ZSWIM5: variants seen among roughly 807,000 people sequenced by gnomAD.
ZSWIM5 encodes zinc finger SWIM-type containing 5, also known as zinc finger SWIM domain-containing protein 5.
A neutral mutation model predicts 119.6 loss-of-function variants in ZSWIM5; 55 were observed. That is an observed-to-expected ratio of 0.46 (90% CI 0.37 to 0.58). The LOEUF (loss-of-function observed/expected upper bound fraction) is 0.58. Among genes scored for constraint, ZSWIM5 ranks in the 20% least tolerant of loss-of-function variants. The probability of loss-of-function intolerance (pLI) is 0.00; values close to 1 mark genes in which losing one functional copy is unlikely to be tolerated. For missense variants in ZSWIM5, 1,193 were observed against 1,512.8 expected (o/e 0.79, Z 3.51); for synonymous variants, 537 against 606.9 (o/e 0.88, Z 1.69).
intron 1 of ZSWIM5, among the ~76,000 whole-genome samples, chr1:45,115,979 G>C (rs569242462): frequency 6.6e-6 from 1 of 152,162 alleles, no homozygotes; most frequent in Non-Finnish European, 1.5e-5. Context: ...GTGGTGGCGC[G>C]CGCCCGCAAT....
rs1404751110 is a variant in ZSWIM5 at position 45,205,869 on chromosome 1, G to T, written c.482C>A (p.Ser161Tyr). 3.0e-6 allele frequency: 4 copies of T among 1,343,550 alleles called. No individual in the cohort carries two copies. Among genetic ancestry groups the T allele is most frequent in the Middle Eastern group, 2.4e-4 (1 of 4,116 alleles). The allele number at this position is 1,343,550 out of a possible 1,614,324, so 83.2% of individuals were successfully genotyped here. Reference sequence around the variant, plus strand: ...GCCGGCCCCTGCGCCCAGCCCGGGGGATGCCCCAGCCGCGACGCCCCCGGG... The same window carrying T: ...GCCGGCCCCTGCGCCCAGCCCGGGGTATGCCCCAGCCGCGACGCCCCCGGG... ...SAPGGVAAGA[S>Y]PGLGAGAGAA... Residue 161 changes from serine to tyrosine, a missense_variant, in exon 1 of 14, where the codon TCC becomes TAC. By Grantham distance (144) the Ser-to-Tyr change is moderately radical. Coordinates refer to ENST00000359600, the MANE Select transcript of ZSWIM5 (RefSeq NM_020883.2).
intron 1 of ZSWIM5, among the ~76,000 whole-genome samples, chr1:45,187,553 T>C (rs1426574448): frequency 6.6e-6 from 1 of 151,344 alleles, no homozygotes; most frequent in East Asian, 1.9e-4. Flanking sequence ...AGCTATACTA[T>C]CAAAAGAAAG....
chr1:45,052,747 T>C (rs1570031033), intron 4 of ZSWIM5, among the ~76,000 whole-genome samples: 1 of 110,872 alleles, frequency 9.0e-6, no homozygotes, highest in African/African-American at 3.5e-5. Context: ...CACTCCAGCA[T>C]GGGTGATGGG....
intron 1 of ZSWIM5, among the ~76,000 whole-genome samples, chr1:45,101,448 G>A (rs1645439097): frequency 6.6e-6 from 1 of 152,188 alleles, no homozygotes. Context: ...TGGTGGGAGT[G>A]TAAACTAGTT....
At chr1:45,182,619 C>A (rs1459591397) in intron 1 of ZSWIM5, among the ~76,000 whole-genome samples, 1 of 152,058 alleles carries the variant, frequency 6.6e-6, no homozygotes, top group East Asian at 1.9e-4. Flanking sequence ...ATAAAACAGA[C>A]TTTAAACCAA....
chr1:45,168,941 T>C (rs1182665971), intron 1 of ZSWIM5, among the ~76,000 whole-genome samples: 1 of 152,122 alleles, frequency 6.6e-6, no homozygotes, highest in East Asian at 1.9e-4. Flanking sequence ...ATTCATTTTA[T>C]CTTACCTGCC....
intron 5 of ZSWIM5, among the ~76,000 whole-genome samples, chr1:45,047,941 G>C (rs945867607): frequency 6.6e-6 from 1 of 152,144 alleles, no homozygotes; most frequent in Non-Finnish European, 1.5e-5. Flanking sequence ...AGATGGCACA[G>C]ACTAGGGAAA....
intron 1 of ZSWIM5, among the ~76,000 whole-genome samples, chr1:45,105,899 C>A: frequency 6.8e-6 from 1 of 146,674 alleles, no homozygotes. Flanking sequence ...CTCTGCCCGG[C>A]CGCCCCGTCT....
intron 1 of ZSWIM5, among the ~76,000 whole-genome samples, chr1:45,122,229 T>C (rs193243503): frequency 1.3e-4 from 20 of 152,350 alleles, no homozygotes; most frequent in Admixed American, 2.6e-4. Flanking sequence ...TCAACAGCTA[T>C]ATGTCTTGAG....
chr1:45,185,644 T>C (rs991027834), intron 1 of ZSWIM5, among the ~76,000 whole-genome samples: 10 of 151,896 alleles, frequency 6.6e-5, no homozygotes, highest in African/African-American at 1.9e-4. Context: ...AAAAAACACA[T>C]GAAAAAATGC....
chr1:45,070,324 G>T, intron 2 of ZSWIM5: 1 of 1,416,314 alleles, frequency 7.1e-7, no homozygotes, highest in Non-Finnish European at 1.0e-6. Context: ...GCCACCACCA[G>T]AGCATACACA....
At chr1:45,077,940 G>C (rs1453963959) in intron 2 of ZSWIM5, among the ~76,000 whole-genome samples, 2 of 152,196 alleles carry the variant, frequency 1.3e-5, no homozygotes, top group African/African-American at 4.8e-5. Flanking sequence ...AACAATTGCT[G>C]TTATCCTGTT....
At chr1:45,038,126 GTC>G (rs1644996386) in intron 8 of ZSWIM5, among the ~76,000 whole-genome samples, 1 of 152,090 alleles carries the variant, frequency 6.6e-6, no homozygotes, top group Non-Finnish European at 1.5e-5. Flanking sequence ...AATCAATTTT[GTC>G]TCTATCTATT....
chr1:45,186,578 C>G (rs1312040313), intron 1 of ZSWIM5, among the ~76,000 whole-genome samples: 1 of 151,620 alleles, frequency 6.6e-6, no homozygotes, highest in Non-Finnish European at 1.5e-5. Flanking sequence ...GAATACAGCT[C>G]TGCCAACAAC....
At chr1:45,036,393 T>C (rs142331352) in intron 8 of ZSWIM5, 94 bp from the exon 9 acceptor site, 20,855 of 1,488,912 alleles carry the variant, frequency 0.014, 176 homozygotes, top group Non-Finnish European at 0.016. Context: ...CTTGCTCTGT[T>C]GTCCAGGCTG....
intron 11 of ZSWIM5, among the ~76,000 whole-genome samples, chr1:45,026,255 G>C (rs1346004208): frequency 6.6e-6 from 1 of 152,008 alleles, no homozygotes; most frequent in Non-Finnish European, 1.5e-5. Flanking sequence ...GGCTGGTCTT[G>C]AACTCCCAGG....
At chr1:45,046,734 G>T (rs894247302) in intron 5 of ZSWIM5, among the ~76,000 whole-genome samples, 1 of 151,840 alleles carries the variant, frequency 6.6e-6, no homozygotes, top group African/African-American at 2.4e-5. Flanking sequence ...AGTATAGAAA[G>T]AGAGGTGGTA....
intron 4 of ZSWIM5, 82 bp downstream of exon 4, chr1:45,058,527 A>C: frequency 8.4e-6 from 13 of 1,555,498 alleles, no homozygotes; most frequent in Non-Finnish European, 1.1e-5. Context: ...CCATGCAACG[A>C]CTGATGGCAA....
intron 3 of ZSWIM5, among the ~76,000 whole-genome samples, chr1:45,059,549 T>A (rs1382983652): frequency 6.6e-6 from 1 of 152,074 alleles, no homozygotes; most frequent in Non-Finnish European, 1.5e-5. Flanking sequence ...GGTATAGGGT[T>A]TCTTTTTGAG....
Sources: allele counts gnomAD v4.1 joint callset (sites outside exome capture counted in the v4.1 genomes callset), GRCh38; gene constraint gnomAD v4.1.1; transcripts MANE v1.5; gene names NCBI Gene and HGNC (gene_info 2026-07-23, HGNC 2026-07-21).